The following MCTP2 variants were observed in gnomAD, a reference collection of about 807,000 sequenced individuals.
MCTP2 encodes the protein multiple C2 and transmembrane domain-containing protein 2.
MCTP2 carries 132 observed loss-of-function variants against 111.6 expected under a neutral mutation model. The observed-to-expected ratio is 1.18, with a 90% confidence interval of 1.03 to 1.37. The LOEUF (loss-of-function observed/expected upper bound fraction) is 1.37. Ranked by LOEUF, MCTP2 falls within the 40% of genes most tolerant of loss-of-function variation. The pLI is 0.00. For missense variants in MCTP2, 1,183 were observed against 1,067.9 expected, an observed-to-expected ratio of 1.11 and a Z score of -1.50; for synonymous variants, 395 against 387.7, an observed-to-expected ratio of 1.02 and a Z score of -0.22.
intron 2 of MCTP2, among the ~76,000 whole-genome samples, chr15:94,312,900 T>C (rs2076211921): frequency 6.6e-6 from 1 of 152,130 alleles, no homozygotes; most frequent in South Asian, 2.1e-4. Context: ...GAAGCTGCAC[T>C]GGACAGAGCG....
In MCTP2 at chr15:94,275,844, A is replaced by ATT. The variant is rs35006187; in HGVS notation, c.-65-22339_-65-22338dup. Among the ~76,000 whole-genome samples, 953 of 131,496 alleles carry ATT rather than the reference A, an allele frequency of 7.2e-3. 11 individuals are homozygous for ATT. The highest frequency in any genetic ancestry group is 0.014 in the African/African-American group (479 of 35,060). 86.3% of individuals were successfully genotyped at this position (131,496 alleles called of 152,430 possible). A position where few individuals can be genotyped will look rare whatever the true frequency, so the allele number is the denominator to read the frequency against. ...AGAAATGATATTCTGTTTTATAAGC[A>ATT]TTTTTTTTTTTTTTTTTTTGAGAGA... is the stretch of plus-strand genomic sequence containing the variant. On this transcript the variant is annotated intron_variant, in intron 1 of 22. Coordinates refer to ENST00000357742, the MANE Select transcript of MCTP2 (RefSeq NM_001385001.1).
intron 1 of MCTP2, among the ~76,000 whole-genome samples, chr15:94,266,400 T>C (rs1426747457): frequency 2.0e-5 from 3 of 152,258 alleles, no homozygotes; most frequent in African/African-American, 2.4e-5. Flanking sequence ...GGTCAGGAAC[T>C]CAGTCTGTTT....
intron 8 of MCTP2, among the ~76,000 whole-genome samples, chr15:94,355,433 C>T (rs1199164005): frequency 6.6e-6 from 1 of 152,196 alleles, no homozygotes; most frequent in African/African-American, 2.4e-5. Context: ...TATAACAGGA[C>T]ATTTGCCTTT....
intron 1 of MCTP2, among the ~76,000 whole-genome samples, chr15:94,257,584 T>TTTTG (rs1567287134): frequency 1.2e-5 from 1 of 86,122 alleles, no homozygotes; most frequent in African/African-American, 4.6e-5. Context: ...TTTTTTTTTT[T>TTTTG]TTTTTTTTTT....
chr15:94,399,217 G>T (rs1339815771), intron 15 of MCTP2, among the ~76,000 whole-genome samples, 155 bp downstream of exon 15: 1 of 152,154 alleles, frequency 6.6e-6, no homozygotes, highest in Non-Finnish European at 1.5e-5. Flanking sequence ...TTATAAGCAG[G>T]TTACCCTCAT....
At chr15:94,343,232 G>T (rs1024000635) in intron 7 of MCTP2, 1 of 152,012 alleles carries the variant, frequency 6.6e-6, no homozygotes, top group African/African-American at 2.4e-5. Context: ...GGGTAAAATA[G>T]ATTATCAGAA....
chr15:94,305,470 T>A (rs1169527780), intron 2 of MCTP2, among the ~76,000 whole-genome samples: 1 of 152,014 alleles, frequency 6.6e-6, no homozygotes, highest in Non-Finnish European at 1.5e-5. Flanking sequence ...TCCACACACA[T>A]ACACACACAT....
At chr15:94,266,839 C>T (rs2073565474) in intron 1 of MCTP2, among the ~76,000 whole-genome samples, 1 of 152,156 alleles carries the variant, frequency 6.6e-6, no homozygotes, top group South Asian at 2.1e-4. Flanking sequence ...AAACTTGGTT[C>T]AGAACAATGT....
intron 2 of MCTP2, among the ~76,000 whole-genome samples, chr15:94,306,917 G>T (rs1034011690): frequency 1.3e-5 from 2 of 152,140 alleles, no homozygotes; most frequent in Non-Finnish European, 2.9e-5. Context: ...CGACCTCCAG[G>T]TTGCAAAATT....
chr15:94,368,610 A>AATTGAATAATTCTTAATTGAATAGG (rs2079323018), intron 11 of MCTP2, among the ~76,000 whole-genome samples: 1 of 152,170 alleles, frequency 6.6e-6, no homozygotes, highest in Non-Finnish European at 1.5e-5. Context: ...ATAATTCTGT[A>AATTGAATAATTCTTAATTGAATAGG]TCTTCGGGAG....
chr15:94,246,888 C>T (rs912184720), intron 1 of MCTP2, among the ~76,000 whole-genome samples: 3 of 152,130 alleles, frequency 2.0e-5, no homozygotes, highest in Non-Finnish European at 4.4e-5. Context: ...TTTACCTTTT[C>T]ATTTGAGAGA....
chr15:94,390,470 T>G (rs2080889968), intron 14 of MCTP2, among the ~76,000 whole-genome samples: 1 of 152,102 alleles, frequency 6.6e-6, no homozygotes, highest in Admixed American at 6.5e-5. Context: ...ATAGACTTAT[T>G]TAATATTTTT....
chr15:94,453,220 T>A (rs545741506), intron 19 of MCTP2, among the ~76,000 whole-genome samples: 1 of 152,342 alleles, frequency 6.6e-6, no homozygotes, highest in East Asian at 1.9e-4. Context: ...ATGAGATGCA[T>A]GCACTGTGAC....
chr15:94,448,655 C>T (rs763660987), intron 19 of MCTP2, among the ~76,000 whole-genome samples: 14 of 152,128 alleles, frequency 9.2e-5, no homozygotes, highest in Non-Finnish European at 2.1e-4. Flanking sequence ...CACTTCTGGT[C>T]CCAAGCATTT....
chr15:94,394,932 A>G (rs2081204829), intron 14 of MCTP2, among the ~76,000 whole-genome samples: 1 of 152,126 alleles, frequency 6.6e-6, no homozygotes, highest in African/African-American at 2.4e-5. Context: ...GATTGTCTCA[A>G]AAAGGAAGAA....
At chr15:94,264,931 G>A (rs1201359671) in intron 1 of MCTP2, among the ~76,000 whole-genome samples, 4 of 152,144 alleles carry the variant, frequency 2.6e-5, no homozygotes, top group African/African-American at 9.7e-5. Context: ...AATAAGGAAA[G>A]CCTGATTCTC....
At chr15:94,280,507 TTCATTAGTC>T in intron 1 of MCTP2, among the ~76,000 whole-genome samples, 1 of 151,910 alleles carries the variant, frequency 6.6e-6, no homozygotes, top group Non-Finnish European at 1.5e-5. Flanking sequence ...TTTTTTTTTC[TTCATTAGTC>T]TCACTACCAA....
chr15:94,315,345 A>G (rs1040157276), intron 3 of MCTP2, among the ~76,000 whole-genome samples, 184 bp from the exon 4 acceptor site: 3 of 152,184 alleles, frequency 2.0e-5, no homozygotes, highest in Admixed American at 2.0e-4. Context: ...CCCACTGGGG[A>G]GAAATGTAAG....
rs1206140392 is a variant in MCTP2, at chr15:94,298,679, C to T, written c.414C>T (p.Ile138=). Residue 138 remains isoleucine (I), a synonymous_variant, in exon 2 of 23, where the codon ATC becomes ATT. Transcript: ENST00000357742. ...GGAGACGGGTGTCCAGCAACGGCAT[C>T]TTTGATCTTCAGAAAACTTCCCTTG... ...AERRRVSSNG[I]FDLQKTSLGG... is the part of the protein sequence containing the mutation. The T allele has an allele frequency of 1.9e-6, 3 of 1,613,344 alleles. No homozygotes were observed. Among genetic ancestry groups the T allele is most frequent in the African/African-American group, 2.7e-5 (2 of 75,018 alleles).
Sources: gnomAD v4.1 joint callset for allele counts (sites outside exome capture counted in the v4.1 genomes callset) on GRCh38, gnomAD v4.1.1 for gene constraint, MANE v1.5 for transcripts, NCBI Gene and HGNC (gene_info 2026-07-23, HGNC 2026-07-21) for gene names.